The following LPCAT1 variants were observed in gnomAD, a reference collection of about 807,000 sequenced individuals.
LPCAT1 encodes the protein lysophosphatidylcholine acyltransferase 1.
A neutral mutation model predicts 60.9 loss-of-function variants in LPCAT1; 23 were observed. The ratio of observed to expected loss-of-function variants is 0.38; its 90% CI spans 0.27 to 0.53. LPCAT1 has a LOEUF of 0.53. Ranked by LOEUF, LPCAT1 falls within the 20% of genes least tolerant of loss-of-function variation. LPCAT1 has a pLI of 0.82. For missense variants in LPCAT1, 622 were observed against 723.6 expected (o/e 0.86, Z 1.61); for synonymous variants, 340 against 301.1 (o/e 1.13, Z -1.34).
At chr5:1,486,709 G>T (rs1579781742) in intron 5 of LPCAT1, among the ~76,000 whole-genome samples, 1 of 152,134 alleles carries the variant, frequency 6.6e-6, no homozygotes, top group East Asian at 1.9e-4. Context: ...CAAACAGGAG[G>T]CTCCAAACCT....
rs2927666 is a variant in LPCAT1 at position 1,502,465 on chromosome 5, C to T, written c.136-862G>A. Among the ~76,000 whole-genome samples, 1,801 of 152,184 alleles carry T rather than the reference C, an allele frequency of 0.012. 39 individuals are homozygous for T. The highest frequency in any genetic ancestry group is 0.041 in the African/African-American group (1,715 of 41,522). On this transcript the variant is annotated intron_variant, in intron 1 of 13. Coordinates refer to ENST00000283415, the MANE Select transcript of LPCAT1 (RefSeq NM_024830.5). This position sits in a 1 kb window ranked among gnomAD's most constrained non-coding sequence, Gnocchi z 5.5. ...GTGACTTTCCAGTCAATGGAAGACC[C>T]GGCGCAGGAGAGTGAACTGGCGGGA...
intron 3 of LPCAT1, 103 bp downstream of exon 3, chr5:1,494,597 C>G: frequency 9.0e-7 from 1 of 1,109,354 alleles, no homozygotes; most frequent in East Asian, 2.5e-5. Flanking sequence ...AGGGGGGACC[C>G]TCACTCCCAG....
At chr5:1,504,205 A>G (rs1736112515) in intron 1 of LPCAT1, among the ~76,000 whole-genome samples, 1 of 152,268 alleles carries the variant, frequency 6.6e-6, no homozygotes, top group South Asian at 2.1e-4. Flanking sequence ...TTAATCCCAC[A>G]AGTCTAAGGG....
intron 11 of LPCAT1, among the ~76,000 whole-genome samples, chr5:1,473,378 G>A (rs1734766734): frequency 6.6e-6 from 1 of 152,228 alleles, no homozygotes; most frequent in African/African-American, 2.4e-5. Flanking sequence ...AGCCTGTCCC[G>A]CCCCTGCGTG....
intron 1 of LPCAT1, among the ~76,000 whole-genome samples, chr5:1,516,652 T>C (rs1736515699): frequency 6.6e-6 from 1 of 151,962 alleles, no homozygotes; most frequent in African/African-American, 2.4e-5. Context: ...TTTAAGCTTG[T>C]ATGTGGCAAA....
chr5:1,507,832 C>T (rs1736233384), intron 1 of LPCAT1, among the ~76,000 whole-genome samples: 1 of 152,332 alleles, frequency 6.6e-6, no homozygotes, highest in Non-Finnish European at 1.5e-5. Context: ...CTAGATGCAA[C>T]CACCAGCTTC....
At chr5:1,518,965 G>A (rs147310975) in intron 1 of LPCAT1, among the ~76,000 whole-genome samples, 62 of 152,374 alleles carry the variant, frequency 4.1e-4, no homozygotes, top group African/African-American at 1.4e-3. Context: ...TGCAGGAAGC[G>A]TGCAGAGCAG....
Position 1,522,865 on chromosome 5 carries a change from G to C in LPCAT1, c.135+845C>G, listed in dbSNP as rs1022404481. The stretch of plus-strand genomic sequence containing the variant: ...AGCCCAGCTGGCAGCCAGGTAGCCG[G>C]AAAAGCCAGGCTGAGCCAGCACATC... On this transcript the variant is annotated intron_variant, in intron 1 of 13. Transcript: ENST00000283415. The surrounding 1 kb of genome is among the most constrained non-coding windows in gnomAD (Gnocchi z 6.8). 1.3e-5 allele frequency among the ~76,000 whole-genome samples: 2 copies of C among 152,130 alleles called. No individual in the cohort carries two copies. The highest frequency in any genetic ancestry group is 2.9e-5 in the Non-Finnish European group (2 of 68,030).
chr5:1,508,011 C>G (rs1430576153), intron 1 of LPCAT1, among the ~76,000 whole-genome samples: 1 of 152,246 alleles, frequency 6.6e-6, no homozygotes, highest in Non-Finnish European at 1.5e-5. Flanking sequence ...GCTCGTTCAC[C>G]CCTCCACCTT....
chr5:1,504,871 G>A (rs1736135717), intron 1 of LPCAT1, among the ~76,000 whole-genome samples: 1 of 152,216 alleles, frequency 6.6e-6, no homozygotes. Context: ...CTGACCCTGG[G>A]GCCACGGCAG....
In LPCAT1 at chr5:1,510,582, G is replaced by GA. The variant is rs1736327724; in HGVS notation, c.136-8980dup. On this transcript the variant is annotated intron_variant, in intron 1 of 13. Coordinates refer to ENST00000283415, the MANE Select transcript of LPCAT1 (RefSeq NM_024830.5). ...GAGGATGCTGCACGGTGTTGAATGG[G>GA]ATCAAAGCCAGTCTGGTCTTGGCCA... Among the ~76,000 whole-genome samples the GA allele has an allele frequency of 2.0e-5, 3 of 152,338 alleles. No homozygotes were observed. In the South Asian group the frequency reaches 6.2e-4, roughly 32 times the overall value.
intron 1 of LPCAT1, among the ~76,000 whole-genome samples, chr5:1,517,344 G>T (rs1736534563): frequency 6.6e-6 from 1 of 152,174 alleles, no homozygotes; most frequent in Non-Finnish European, 1.5e-5. Flanking sequence ...TCAGAGGCAG[G>T]GACATGGCTT....
rs149131775 is a variant in LPCAT1, at chr5:1,493,033, G to A, written c.493+1667C>T. Among the ~76,000 whole-genome samples the A allele has an allele frequency of 4.6e-3, 703 of 152,374 alleles. 1 individual carries two copies. Among genetic ancestry groups the A allele is most frequent in the Non-Finnish European group, 7.1e-3 (484 of 68,032 alleles). On this transcript the variant is annotated intron_variant, in intron 3 of 13. Transcript: ENST00000283415. ...AAGGGTGCTGAGTGGAGCTGGGGCT[G>A]CCCCATGAGCCTGTGGAGCTTGCAG... is the stretch of plus-strand genomic sequence containing the variant.
rs1182882875 is a variant in LPCAT1 at position 1,487,515 on chromosome 5, G to A, written c.667+876C>T. ...GCTGGAGGAGGATGGCCACAGGCTC[G>A]GAAACCCCGGCGGCACACGTAGGTG... On this transcript the variant is annotated intron_variant, in intron 5 of 13. Transcript: ENST00000283415. The surrounding 1 kb of genome is among the most constrained non-coding windows in gnomAD (Gnocchi z 6.1). 6.6e-6 allele frequency among the ~76,000 whole-genome samples: 1 copy of A among 152,140 alleles called. No individual in the cohort carries two copies. The highest frequency in any genetic ancestry group is 1.5e-5 in the Non-Finnish European group (1 of 68,034).
chr5:1,480,088 C>T lies in LPCAT1; in HGVS notation c.762-413G>A, dbSNP rs752131561. ...AGAACCAGGATCACCATGCCTTTGC[C>T]GCAGGAGTTGACATGGGAGACATTT... is the stretch of plus-strand genomic sequence containing the variant. On this transcript the variant is annotated intron_variant, in intron 7 of 13. Coordinates refer to ENST00000283415, the MANE Select transcript of LPCAT1 (RefSeq NM_024830.5). This position sits in a 1 kb window ranked among gnomAD's most constrained non-coding sequence, Gnocchi z 6.4. Among the ~76,000 whole-genome samples, 10 of 151,890 alleles carry T rather than the reference C, an allele frequency of 6.6e-5. No homozygotes were observed. The highest frequency in any genetic ancestry group is 2.4e-4 in the African/African-American group (10 of 41,304).
rs748027380 is a variant in LPCAT1, at chr5:1,489,735, A to C, written c.606+11T>G. On this transcript the variant is annotated intron_variant, in intron 4 of 13. Transcript: ENST00000283415. ...AAACCACTGAAACACAATCAGGGCT[A>C]CGTGCATTACCTGTGGCCACTTTCC... 1 of 1,557,666 alleles carries C rather than the reference A, an allele frequency of 6.4e-7. No homozygotes were observed.
At position 1,494,794 on chromosome 5, in the gene LPCAT1, C is replaced by T. The variant is rs3733796; in HGVS notation, c.399G>A (p.Ala133=). The T allele has an allele frequency of 0.21, 342,401 of 1,613,836 alleles. 38,696 individuals are homozygous for T. Among genetic ancestry groups the T allele is most frequent in the East Asian group, 0.41 (18,363 of 44,854 alleles). The part of the protein sequence containing the change: ...LPTEAAILTL[A]PHSSYFDAIP... ...TGGCGTCGAAGTAGGACGAGTGAGG[C>T]GCGAGCGTGAGGATGGCCGCCTCGG... The change falls in exon 3 of 14, where the codon GCG becomes GCA. Residue 133 remains alanine (A), a synonymous_variant. Transcript: ENST00000283415.
At position 1,465,151 on chromosome 5, in the gene LPCAT1, TAACTA is replaced by T. The variant is rs1734307378; in HGVS notation, c.1421-1321_1421-1317del. 2.5e-5 allele frequency among the ~76,000 whole-genome samples: 3 copies of T among 119,386 alleles called. No individual in the cohort carries two copies. In the South Asian group the frequency reaches 8.0e-4, roughly 32 times the overall value. 78.3% of individuals were successfully genotyped at this position (119,386 alleles called of 152,430 possible). Reference sequence around the variant, plus strand: ...ACAAAACAAGCGCAGGCACACGCGGTAACTAAACATGCATGCACACACACAAAACA... The same window carrying T: ...ACAAAACAAGCGCAGGCACACGCGGTAACATGCATGCACACACACAAAACA... On this transcript the variant is annotated intron_variant, in intron 13 of 13. Coordinates refer to ENST00000283415, the MANE Select transcript of LPCAT1 (RefSeq NM_024830.5).
In LPCAT1 at chr5:1,483,383, C is replaced by T. The variant is rs199715603; in HGVS notation, c.726+45G>A. ...AGAGGCAGCTCGCAGTTCCCGTTTC[C>T]CGGAGAATTCCCCTGGAAGCTGACC... On this transcript the variant is annotated intron_variant, in intron 6 of 13. Transcript: ENST00000283415. This position sits in a 1 kb window ranked among gnomAD's most constrained non-coding sequence, Gnocchi z 9.2. 74 of 1,601,790 alleles carry T rather than the reference C, an allele frequency of 4.6e-5. No homozygotes were observed. In the African/African-American group the frequency reaches 9.8e-4, roughly 21 times the overall value.
Sources: gnomAD v4.1 joint callset for allele counts (sites outside exome capture counted in the v4.1 genomes callset) on GRCh38, gnomAD v4.1.1 for gene constraint, Gnocchi (gnomAD v3.1) non-coding constraint, MANE v1.5 for transcripts, NCBI Gene and HGNC (gene_info 2026-07-23, HGNC 2026-07-21) for gene names.